The following PPA2 variants were observed in gnomAD, a reference collection of about 807,000 sequenced individuals.
The protein encoded by PPA2 is inorganic pyrophosphatase 2, mitochondrial.
In PPA2, 48 loss-of-function variants were observed where a neutral mutation model predicts 49.5. The observed-to-expected ratio is 0.97, with a 90% confidence interval of 0.77 to 1.23. PPA2 has a LOEUF of 1.23. Ranked by LOEUF, PPA2 falls within the 50% of genes most tolerant of loss-of-function variation. PPA2 has a pLI of 0.00. For missense variants in PPA2, 429 were observed against 410.1 expected (o/e 1.05, Z -0.40); for synonymous variants, 131 against 139.9 (o/e 0.94, Z 0.45).
At chr4:105,450,225 A>T (rs1290511182) in intron 3 of PPA2, among the ~76,000 whole-genome samples, 2 of 152,218 alleles carry the variant, frequency 1.3e-5, no homozygotes, top group Non-Finnish European at 2.9e-5. Flanking sequence ...ATGGTTTAAA[A>T]CACTGTACTC....
At chr4:105,468,185 T>C (rs916338086) in intron 1 of PPA2, among the ~76,000 whole-genome samples, 3 of 152,368 alleles carry the variant, frequency 2.0e-5, no homozygotes, top group African/African-American at 7.2e-5. Flanking sequence ...TGACAGAGAC[T>C]GAATGGTTCG....
At chr4:105,440,786 C>T (rs553685230) in intron 5 of PPA2, among the ~76,000 whole-genome samples, 1 of 152,072 alleles carries the variant, frequency 6.6e-6, no homozygotes, top group South Asian at 2.1e-4. Flanking sequence ...TTGGTTGGTC[C>T]TCAGAACTCC....
intron 1 of PPA2, among the ~76,000 whole-genome samples, chr4:105,457,350 A>T (rs1026014575): frequency 6.6e-6 from 1 of 152,262 alleles, no homozygotes; most frequent in African/African-American, 2.4e-5. Context: ...TTAAATAAAC[A>T]CAATGCCTTG....
intron 10 of PPA2, among the ~76,000 whole-genome samples, chr4:105,373,766 TAC>T (rs36109695): frequency 0.28 from 41,777 of 148,212 alleles, 6,611 homozygotes; most frequent in Non-Finnish European, 0.37. Context: ...TATATTTAAA[TAC>T]ACACACACAC....
At chr4:105,413,043 T>C (rs926562095) in intron 7 of PPA2, among the ~76,000 whole-genome samples, 15 of 152,220 alleles carry the variant, frequency 9.9e-5, no homozygotes, top group Admixed American at 4.6e-4. Flanking sequence ...CGTATGTTTA[T>C]TGGTACTATT....
At chr4:105,447,564 C>T (rs1344671736) in intron 4 of PPA2, among the ~76,000 whole-genome samples, 2 of 152,072 alleles carry the variant, frequency 1.3e-5, no homozygotes, top group Non-Finnish European at 2.9e-5. Context: ...TTTGATGTGA[C>T]AGATATATTA....
chr4:105,389,421 G>A (rs1733812730), intron 9 of PPA2, among the ~76,000 whole-genome samples: 2 of 146,352 alleles, frequency 1.4e-5, no homozygotes, highest in Admixed American at 1.4e-4. Context: ...TGACTAAGCT[G>A]TTAGTGCCCA....
At chr4:105,386,413 C>T (rs563849070) in intron 10 of PPA2, among the ~76,000 whole-genome samples, 154 bp downstream of exon 10, 9 of 152,134 alleles carry the variant, frequency 5.9e-5, no homozygotes, top group Non-Finnish European at 1.3e-4. Flanking sequence ...AATTTAAATT[C>T]CTTGAATTAC....
At chr4:105,404,599 A>AG (rs1212579302) in intron 7 of PPA2, among the ~76,000 whole-genome samples, 7 of 152,202 alleles carry the variant, frequency 4.6e-5, no homozygotes, top group Non-Finnish European at 8.8e-5. Flanking sequence ...CTTCAAATCC[A>AG]GAATAGGGAA....
intron 10 of PPA2, among the ~76,000 whole-genome samples, chr4:105,376,675 G>A (rs1220630081): frequency 1.3e-5 from 2 of 152,170 alleles, no homozygotes; most frequent in African/African-American, 4.8e-5. Context: ...CATGGGTCTG[G>A]TTCCCTAGAA....
intron 7 of PPA2, among the ~76,000 whole-genome samples, chr4:105,417,589 C>T (rs1412022600): frequency 6.7e-6 from 1 of 149,680 alleles, no homozygotes; most frequent in African/African-American, 2.4e-5. Context: ...GGTCAAGGTT[C>T]AAAAAAGAGA....
At chr4:105,376,553 C>T (rs1733261174) in intron 10 of PPA2, among the ~76,000 whole-genome samples, 1 of 152,144 alleles carries the variant, frequency 6.6e-6, no homozygotes, top group Non-Finnish European at 1.5e-5. Context: ...CAAAAACAGT[C>T]AGACTGAGGG....
chr4:105,408,404 T>A (rs191340261), intron 7 of PPA2, among the ~76,000 whole-genome samples: 1 of 152,328 alleles, frequency 6.6e-6, no homozygotes, highest in African/African-American at 2.4e-5. Flanking sequence ...AACCTTTTTT[T>A]AAATACGTTT....
At chr4:105,399,877 T>A (rs1734289217) in intron 7 of PPA2, among the ~76,000 whole-genome samples, 1 of 152,212 alleles carries the variant, frequency 6.6e-6, no homozygotes, top group African/African-American at 2.4e-5. Context: ...AAACAATTCA[T>A]AAGTTTTAAA....
chr4:105,420,695 C>A (rs1253094729), intron 7 of PPA2, among the ~76,000 whole-genome samples: 1 of 151,942 alleles, frequency 6.6e-6, no homozygotes, highest in Non-Finnish European at 1.5e-5. Flanking sequence ...AAAGTTACTG[C>A]ATTAGATATT....
chr4:105,460,497 C>A (rs1176173585), intron 1 of PPA2, among the ~76,000 whole-genome samples: 2 of 152,180 alleles, frequency 1.3e-5, no homozygotes, highest in Non-Finnish European at 2.9e-5. Flanking sequence ...TAAATGGAAG[C>A]TCTTATTCCA....
intron 6 of PPA2, among the ~76,000 whole-genome samples, chr4:105,424,808 G>A (rs1347643454): frequency 1.3e-5 from 2 of 152,148 alleles, no homozygotes; most frequent in African/African-American, 4.8e-5. Context: ...TGTAGGGCAT[G>A]GTACTAGAAA....
chr4:105,392,371 T>C (rs1733959830), intron 9 of PPA2, among the ~76,000 whole-genome samples: 1 of 151,716 alleles, frequency 6.6e-6, no homozygotes, highest in Admixed American at 6.6e-5. Flanking sequence ...ACTACCTGGA[T>C]TAAAAAAAAA....
chr4:105,391,486 A>C (rs966704336), intron 9 of PPA2, among the ~76,000 whole-genome samples: 1 of 152,136 alleles, frequency 6.6e-6, no homozygotes, highest in African/African-American at 2.4e-5. Context: ...TAGACTACCT[A>C]CTGCATCAAG....
Sources: gnomAD v4.1 joint callset for allele counts (sites outside exome capture counted in the v4.1 genomes callset) on GRCh38, gnomAD v4.1.1 for gene constraint, MANE v1.5 for transcripts, NCBI Gene and HGNC (gene_info 2026-07-23, HGNC 2026-07-21) for gene names.